GFOD1: variants seen among roughly 807,000 people sequenced by gnomAD.
The protein encoded by GFOD1 is glucose-fructose oxidoreductase domain-containing protein 1.
A neutral mutation model predicts 25.4 loss-of-function variants in GFOD1; 9 were observed. The ratio of observed to expected loss-of-function variants is 0.35; its 90% CI spans 0.21 to 0.62. GFOD1 has a LOEUF of 0.62. Ranked by LOEUF, GFOD1 falls within the 20% of genes least tolerant of loss-of-function variation. The pLI is 0.72. For missense variants in GFOD1, 403 were observed against 556.9 expected (o/e 0.72, Z 2.78); for synonymous variants, 253 against 245.6 (o/e 1.03, Z -0.28).
chr6:13,393,367 CCAA>C (rs1221241308), intron 1 of GFOD1, among the ~76,000 whole-genome samples: 46 of 35,482 alleles, frequency 1.3e-3, no homozygotes, highest in South Asian at 2.0e-3. Flanking sequence ...AAAACAACCA[CCAA>C]AAAAAAAAAA....
chr6:13,438,578 A>T (rs1562219297), intron 1 of GFOD1, among the ~76,000 whole-genome samples: 1 of 152,108 alleles, frequency 6.6e-6, no homozygotes, highest in Non-Finnish European at 1.5e-5. Context: ...TAATATTAAT[A>T]TATATTCATC....
At chr6:13,415,516 G>T (rs1271378664) in intron 1 of GFOD1, among the ~76,000 whole-genome samples, 1 of 152,150 alleles carries the variant, frequency 6.6e-6, no homozygotes, top group Non-Finnish European at 1.5e-5. Flanking sequence ...TCCAGACCTG[G>T]GGGTGGCTGC....
At chr6:13,442,697 C>G (rs1171653750) in intron 1 of GFOD1, among the ~76,000 whole-genome samples, 1 of 152,188 alleles carries the variant, frequency 6.6e-6, no homozygotes, top group African/African-American at 2.4e-5. Context: ...ATACATGGAA[C>G]AACGAAGCTT....
chr6:13,414,064 C>T (rs561516176), intron 1 of GFOD1, among the ~76,000 whole-genome samples: 60 of 152,314 alleles, frequency 3.9e-4, no homozygotes, highest in Middle Eastern at 3.4e-3. Flanking sequence ...AGGGCTTGCT[C>T]ACACCAATCA....
intron 1 of GFOD1, among the ~76,000 whole-genome samples, chr6:13,388,144 C>G (rs571195281): frequency 6.6e-6 from 1 of 152,332 alleles, no homozygotes; most frequent in African/African-American, 2.4e-5. Context: ...TCATTCCATG[C>G]TCATGGTTAG....
At chr6:13,486,202 G>C in intron 1 of GFOD1, 1 of 986,912 alleles carries the variant, frequency 1.0e-6, no homozygotes, top group Non-Finnish European at 1.2e-6. Context: ...GCGCGCACTC[G>C]CCTCTCCCAG....
chr6:13,481,262 A>C (rs931066598), intron 1 of GFOD1, among the ~76,000 whole-genome samples: 1 of 152,238 alleles, frequency 6.6e-6, no homozygotes, highest in African/African-American at 2.4e-5. Context: ...CCAAAGTAAC[A>C]CGTAAGCTGA....
chr6:13,420,755 A>AT (rs1786241911), intron 1 of GFOD1, among the ~76,000 whole-genome samples: 1 of 152,140 alleles, frequency 6.6e-6, no homozygotes, highest in South Asian at 2.1e-4. Context: ...CAAAGGACTG[A>AT]TTTTTTCCGG....
rs1758784845 is a variant in GFOD1 at position 13,482,926 on chromosome 6, G to A, written c.253+3712C>T. ...ATGTTATATATACATCTATATATTA[G>A]TGTATATGTAAAATATATGTATATA... On this transcript the variant is annotated intron_variant, in intron 1 of 1. Transcript: ENST00000379287. Among the ~76,000 whole-genome samples the A allele has an allele frequency of 2.0e-5, 3 of 150,266 alleles. No individual in the cohort carries two copies. In the South Asian group the frequency reaches 6.3e-4, roughly 31 times the overall value.
chr6:13,445,079 C>T (rs1406763207), intron 1 of GFOD1, among the ~76,000 whole-genome samples: 2 of 152,150 alleles, frequency 1.3e-5, no homozygotes, highest in African/African-American at 4.8e-5. Flanking sequence ...CAGTAACACA[C>T]CAACTTCTGC....
chr6:13,486,729 G>T lies in GFOD1; in HGVS notation c.162C>A (p.Arg54=). 6.2e-7 allele frequency: 1 copy of T among 1,614,140 alleles called. No individual in the cohort carries two copies. Among genetic ancestry groups the T allele is most frequent in the Non-Finnish European group, 8.5e-7 (1 of 1,180,006 alleles). ...CCTGATGCAGCAGCACCTCATCAAT[G>T]CGGCTAGTGTAGAAGGGGACACTCA... The part of the protein sequence containing the change: ...KEMSVPFYTS[R]IDEVLLHQDV... Residue 54 remains arginine, a synonymous_variant, in exon 1 of 2, where the codon CGC becomes CGA. Transcript: ENST00000379287.
chr6:13,395,864 T>C (rs1052570933), intron 1 of GFOD1, among the ~76,000 whole-genome samples: 3 of 152,160 alleles, frequency 2.0e-5, no homozygotes, highest in African/African-American at 7.2e-5. Flanking sequence ...ACTCAGGCCG[T>C]GGTAGCCCCA....
At chr6:13,484,629 T>C (rs1758824596) in intron 1 of GFOD1, among the ~76,000 whole-genome samples, 1 of 152,208 alleles carries the variant, frequency 6.6e-6, no homozygotes, top group Non-Finnish European at 1.5e-5. Context: ...ACATGTCTTG[T>C]TAATTAAAGT....
At chr6:13,465,372 C>G (rs1758362029) in intron 1 of GFOD1, among the ~76,000 whole-genome samples, 1 of 152,140 alleles carries the variant, frequency 6.6e-6, no homozygotes, top group African/African-American at 2.4e-5. Flanking sequence ...TCTTGTTGCT[C>G]AAAGCTTGGT....
intron 1 of GFOD1, among the ~76,000 whole-genome samples, chr6:13,411,897 C>T (rs1013713269): frequency 5.3e-5 from 8 of 152,246 alleles, no homozygotes; most frequent in Non-Finnish European, 1.0e-4. Flanking sequence ...TGGAATGGGA[C>T]AGCCTGGTTC....
intron 1 of GFOD1, among the ~76,000 whole-genome samples, chr6:13,389,022 A>G (rs1359378770): frequency 6.6e-6 from 1 of 152,266 alleles, no homozygotes; most frequent in Non-Finnish European, 1.5e-5. Flanking sequence ...AATGCTCATC[A>G]TCACTGGTCA....
In GFOD1 at chr6:13,365,289, G is replaced by A; in HGVS notation, c.627C>T (p.Ile209=). The change falls in exon 2 of 2, where the codon ATC becomes ATT. Residue 209 remains isoleucine (I), a synonymous_variant. Transcript: ENST00000379287. This position sits in a 1 kb window ranked among gnomAD's most constrained non-coding sequence, Gnocchi z 9.2. ...CGCTGGTGATCTGTCGGATGCCCTT[G>A]ATGTGGTCAGTCTGCTTCACGAAGG... ...LKTFVKQTDH[I]KGIRQITSDD... 1 of 1,614,206 alleles carries A rather than the reference G, an allele frequency of 6.2e-7. No homozygotes were observed. The highest frequency in any genetic ancestry group is 8.5e-7 in the Non-Finnish European group (1 of 1,180,010).
intron 1 of GFOD1, among the ~76,000 whole-genome samples, chr6:13,386,711 G>T (rs1309849178): frequency 2.6e-5 from 4 of 152,148 alleles, no homozygotes; most frequent in African/African-American, 7.2e-5. Flanking sequence ...CATGTGGCAG[G>T]TGTAGACTTC....
In GFOD1 at chr6:13,430,515, T is replaced by C. The variant is rs762407263; in HGVS notation, c.253+56123A>G. On this transcript the variant is annotated intron_variant, in intron 1 of 1. Coordinates refer to ENST00000379287, the MANE Select transcript of GFOD1 (RefSeq NM_018988.4). The surrounding 1 kb of genome is among the most constrained non-coding windows in gnomAD (Gnocchi z 4.1). ...GCACTGTGAAGGAACCCGAGCCACA[T>C]AGGGTATGGCATCAAGCATAAACAG... Among the ~76,000 whole-genome samples, 8 of 151,950 alleles carry C rather than the reference T, an allele frequency of 5.3e-5. No individual in the cohort carries two copies. The highest frequency in any genetic ancestry group is 1.9e-4 in the African/African-American group (8 of 41,342).
Sources: allele counts gnomAD v4.1 joint callset (sites outside exome capture counted in the v4.1 genomes callset), GRCh38; gene constraint gnomAD v4.1.1; non-coding constraint Gnocchi (gnomAD v3.1); transcripts MANE v1.5; gene names NCBI Gene and HGNC (gene_info 2026-07-23, HGNC 2026-07-21).